The following MALRD1 variants were observed in gnomAD, a reference collection of about 807,000 sequenced individuals.
The protein encoded by MALRD1 is MAM and LDL-receptor class A domain-containing protein 1.
In MALRD1, 247 loss-of-function variants were observed where a neutral mutation model predicts 242.1. The ratio of observed to expected loss-of-function variants is 1.02; its 90% CI spans 0.92 to 1.13. MALRD1 has a LOEUF of 1.13. Ranked by LOEUF, MALRD1 falls within the 50% of genes most tolerant of loss-of-function variation. The pLI, the probability that MALRD1 is intolerant of heterozygous loss-of-function variation, is 0.00. For synonymous variants in MALRD1, 995 were observed against 866.6 expected (o/e 1.15, Z -2.60); for missense variants, 2,989 against 2,533.1 (o/e 1.18, Z -3.86).
At chr10:19,733,819 G>T (rs1835388307) in intron 39 of MALRD1, among the ~76,000 whole-genome samples, 1 of 151,692 alleles carries the variant, frequency 6.6e-6, no homozygotes, top group Admixed American at 6.6e-5. Flanking sequence ...GTTTTGTTTT[G>T]TTTTGTCTAA....
intron 18 of MALRD1, among the ~76,000 whole-genome samples, chr10:19,243,520 C>G (rs1241464962): frequency 1.3e-5 from 2 of 151,966 alleles, no homozygotes; most frequent in African/African-American, 2.4e-5. Flanking sequence ...TCTTCTTACC[C>G]TTAGAGATTG....
At chr10:19,555,716 AATT>A (rs60239961) in intron 32 of MALRD1, among the ~76,000 whole-genome samples, 163 of 152,244 alleles carry the variant, frequency 1.1e-3, no homozygotes, top group African/African-American at 3.8e-3. Context: ...ACTATTACTA[AATT>A]AATTCTAAAG....
chr10:19,130,150 G>A (rs1033749928), intron 8 of MALRD1, among the ~76,000 whole-genome samples: 12 of 152,086 alleles, frequency 7.9e-5, no homozygotes, highest in South Asian at 2.1e-4. Context: ...ATTTGGTAAC[G>A]TGTGGGGGGA....
At position 19,591,243 on chromosome 10, in the gene MALRD1, A is replaced by G. The variant is rs1021360593; in HGVS notation, c.5681-3951A>G. ...TTTTCAGAGTATTAAAAAGAGAACA[A>G]TGAATGTTGTTCTTATTTTACAGAG... On this transcript the variant is annotated intron_variant, in intron 33 of 39. Coordinates refer to ENST00000454679, the MANE Select transcript of MALRD1 (RefSeq NM_001142308.3). Among the ~76,000 whole-genome samples, 22 of 152,218 alleles carry G rather than the reference A, an allele frequency of 1.4e-4. No individual in the cohort carries two copies. In the South Asian group the frequency reaches 1.7e-3, roughly 11 times the overall value.
intron 2 of MALRD1, among the ~76,000 whole-genome samples, chr10:19,068,153 T>A (rs1835036265): frequency 6.6e-6 from 1 of 152,040 alleles, no homozygotes; most frequent in Admixed American, 6.6e-5. Context: ...CTCAGAAGGC[T>A]TTTTACAGCA....
At chr10:19,248,432 T>C (rs2131775080) in intron 18 of MALRD1, among the ~76,000 whole-genome samples, 2 of 152,002 alleles carry the variant, frequency 1.3e-5, no homozygotes, top group Admixed American at 1.3e-4. Flanking sequence ...GAAAATGTTA[T>C]ATTATTAGTA....
chr10:19,691,358 A>T (rs1211895794), intron 36 of MALRD1, among the ~76,000 whole-genome samples: 6 of 152,234 alleles, frequency 3.9e-5, no homozygotes, highest in African/African-American at 1.2e-4. Context: ...TTTTGAGCAT[A>T]CAAATTTTCA....
chr10:19,149,131 G>A (rs947943005), intron 11 of MALRD1, among the ~76,000 whole-genome samples: 2 of 113,200 alleles, frequency 1.8e-5, no homozygotes. Context: ...TATCTAACTA[G>A]CTGAGACAGA....
chr10:19,522,041 C>T (rs771047119), intron 31 of MALRD1, among the ~76,000 whole-genome samples: 18 of 152,178 alleles, frequency 1.2e-4, no homozygotes, highest in East Asian at 1.9e-4. Flanking sequence ...TCATTTACAA[C>T]GCAACTATTC....
chr10:19,732,408 G>A (rs183893338), intron 39 of MALRD1, among the ~76,000 whole-genome samples: 13 of 152,070 alleles, frequency 8.5e-5, no homozygotes, highest in South Asian at 4.2e-4. Flanking sequence ...GATTAGAGGC[G>A]CCTGCCACCA....
At chr10:19,334,294 G>C (rs547857071) in intron 24 of MALRD1, among the ~76,000 whole-genome samples, 4 of 150,876 alleles carry the variant, frequency 2.7e-5, no homozygotes, top group African/African-American at 4.9e-5. Context: ...TATAGTTTTA[G>C]GTCTTGCCTT....
At chr10:19,626,149 A>G (rs567509461) in intron 36 of MALRD1, among the ~76,000 whole-genome samples, 9 of 152,158 alleles carry the variant, frequency 5.9e-5, no homozygotes, top group Non-Finnish European at 1.3e-4. Flanking sequence ...ATAAATTACT[A>G]AAATTGGCCC....
chr10:19,561,461 GC>G (rs1176248596), intron 32 of MALRD1, among the ~76,000 whole-genome samples: 1 of 152,102 alleles, frequency 6.6e-6, no homozygotes, highest in Non-Finnish European at 1.5e-5. Context: ...TAGTAAATTG[GC>G]AAGTATTTCC....
At chr10:19,603,633 C>T (rs919767903) in intron 34 of MALRD1, among the ~76,000 whole-genome samples, 5 of 152,134 alleles carry the variant, frequency 3.3e-5, no homozygotes, top group Admixed American at 6.6e-5. Flanking sequence ...AGTGTGATGC[C>T]TCCGGCTTTG....
intron 18 of MALRD1, among the ~76,000 whole-genome samples, chr10:19,255,414 A>G (rs1368927897): frequency 6.6e-6 from 1 of 151,972 alleles, no homozygotes; most frequent in African/African-American, 2.4e-5. Flanking sequence ...ATTTGGGTTT[A>G]TTCTTTTTGT....
intron 31 of MALRD1, among the ~76,000 whole-genome samples, chr10:19,522,425 T>TA (rs1284618765): frequency 9.2e-5 from 14 of 152,120 alleles, no homozygotes; most frequent in Non-Finnish European, 1.8e-4. Flanking sequence ...TACTGTTTGT[T>TA]ATAGCTGTAG....
chr10:19,345,775 G>A (rs1205473496), intron 24 of MALRD1, among the ~76,000 whole-genome samples: 1 of 142,696 alleles, frequency 7.0e-6, no homozygotes, highest in Admixed American at 7.0e-5. Context: ...TTTTTTTTTA[G>A]TTCTTTCAAC....
intron 28 of MALRD1, among the ~76,000 whole-genome samples, chr10:19,424,809 C>T (rs1048977673): frequency 6.6e-6 from 1 of 151,958 alleles, no homozygotes; most frequent in African/African-American, 2.4e-5. Flanking sequence ...GAATCCTGAC[C>T]TGAATTTGCT....
At chr10:19,610,844 A>G (rs1838862312) in intron 35 of MALRD1, among the ~76,000 whole-genome samples, 1 of 152,034 alleles carries the variant, frequency 6.6e-6, no homozygotes, top group Non-Finnish European at 1.5e-5. Context: ...TAATTATGGT[A>G]TATAAGACAC....
Sources: allele counts gnomAD v4.1 joint callset (sites outside exome capture counted in the v4.1 genomes callset), GRCh38; gene constraint gnomAD v4.1.1; transcripts MANE v1.5; gene names NCBI Gene and HGNC (gene_info 2026-07-23, HGNC 2026-07-21).